Variants in GOLGB1 observed in about 807,000 individuals in gnomAD.
GOLGB1 encodes golgin subfamily B member 1.
A neutral mutation model predicts 336.9 loss-of-function variants in GOLGB1; 174 were observed. The ratio of observed to expected loss-of-function variants is 0.52; its 90% CI spans 0.46 to 0.59. The LOEUF is 0.59. Ranked by LOEUF, GOLGB1 falls within the 20% of genes least tolerant of loss-of-function variation. The pLI, the probability that GOLGB1 is intolerant of heterozygous loss-of-function variation, is 0.00. For missense variants in GOLGB1, 3,331 were observed against 3,645.3 expected (o/e 0.91, Z 2.22); for synonymous variants, 1,208 against 1,289.2 (o/e 0.94, Z 1.35).
At chr3:121,721,436 G>A (rs1019949695) in intron 6 of GOLGB1, among the ~76,000 whole-genome samples, 1 of 152,104 alleles carries the variant, frequency 6.6e-6, no homozygotes, top group African/African-American at 2.4e-5. Flanking sequence ...AGGCCTGCCT[G>A]GGCAACATAT....
rs145471949 is a variant in GOLGB1, at chr3:121,718,447, G to A, written c.826C>T (p.Arg276Cys). The A allele has an allele frequency of 2.5e-4, 403 of 1,613,778 alleles. No individual in the cohort carries two copies. The highest frequency in any genetic ancestry group is 2.6e-4 in the Non-Finnish European group (307 of 1,179,834). Residue 276 changes from arginine (R) to cysteine (C), a missense_variant, in exon 8 of 22, where the codon CGT becomes TGT. Coordinates refer to ENST00000614479, the MANE Select transcript of GOLGB1 (RefSeq NM_001366282.2). Reference sequence around the variant, plus strand: ...TGCAGCAAGTCAACGACCTGAGCACGGCCCACCAAGGATTCTTCGTGTTCC... The same window carrying A: ...TGCAGCAAGTCAACGACCTGAGCACAGCCCACCAAGGATTCTTCGTGTTCC... ...LEEHEESLVG[R>C]AQVVDLLQQE... is the part of the protein sequence containing the mutation.
At chr3:121,716,265 A>G (rs1483628539) in intron 9 of GOLGB1, among the ~76,000 whole-genome samples, 3 of 152,180 alleles carry the variant, frequency 2.0e-5, no homozygotes, top group Admixed American at 6.5e-5. Context: ...ATACCTTCAT[A>G]AAGGATAAAT....
chr3:121,738,753 TGA>T (rs955759780), intron 1 of GOLGB1, among the ~76,000 whole-genome samples: 1 of 152,008 alleles, frequency 6.6e-6, no homozygotes, highest in Non-Finnish European at 1.5e-5. Flanking sequence ...GAGAATCTGC[TGA>T]GAGGAGAATT....
intron 14 of GOLGB1, among the ~76,000 whole-genome samples, chr3:121,683,157 C>G (rs1456761348): frequency 6.8e-6 from 1 of 147,554 alleles, no homozygotes; most frequent in Non-Finnish European, 1.5e-5. Flanking sequence ...CCACCTTGGC[C>G]TCCCGAAGTG....
intron 1 of GOLGB1, among the ~76,000 whole-genome samples, chr3:121,745,371 C>T (rs1490735109): frequency 1.8e-4 from 17 of 94,664 alleles, no homozygotes; most frequent in Non-Finnish European, 2.7e-4. Flanking sequence ...TACATATGTA[C>T]ACGTGTATGT....
At position 121,692,062 on chromosome 3, in the gene GOLGB1, C is replaced by T; in HGVS notation, c.7302G>A (p.Glu2434=). The change falls in exon 14 of 22, where the codon GAG becomes GAA. Residue 2434 remains glutamate (E), a synonymous_variant. Transcript: ENST00000614479. The part of the protein sequence containing the change: ...QEEEENIVLE[E]ENKKAVDKTN... ...TTTTATCAACAGCCTTTTTGTTCTC[C>T]TCTTCTAAAACAATATTCTCCTCTT... The T allele has an allele frequency of 6.2e-7, 1 of 1,612,412 alleles. No individual in the cohort carries two copies. Among genetic ancestry groups the T allele is most frequent in the Non-Finnish European group, 8.5e-7 (1 of 1,179,566 alleles).
At chr3:121,684,801 A>G (rs189987555) in intron 14 of GOLGB1, among the ~76,000 whole-genome samples, 1 of 152,214 alleles carries the variant, frequency 6.6e-6, no homozygotes, top group African/African-American at 2.4e-5. Flanking sequence ...CAGGAAAAAG[A>G]TGGCACAAAA....
In GOLGB1 at chr3:121,664,423, T is replaced by C. The variant is rs1439926120; in HGVS notation, c.*57A>G. 1.4e-6 allele frequency: 2 copies of C among 1,407,662 alleles called. No homozygotes were observed. Among genetic ancestry groups the C allele is most frequent in the South Asian group, 2.3e-5 (2 of 86,844 alleles). 87.2% of individuals were successfully genotyped at this position (1,407,662 alleles called of 1,614,324 possible). ...TCCACTGGAATTGATGTTCTGATGT[T>C]AGAGGTGAGAGAATTCCAAGTTTTG... On this transcript the variant is annotated 3_prime_UTR_variant, in exon 22 of 22. Coordinates refer to ENST00000614479, the MANE Select transcript of GOLGB1 (RefSeq NM_001366282.2).
chr3:121,666,219 C>T (rs142538374), intron 20 of GOLGB1, among the ~76,000 whole-genome samples: 291 of 152,310 alleles, frequency 1.9e-3, no homozygotes, highest in Non-Finnish European at 3.4e-3. Context: ...AATGGCAGTA[C>T]CTGGACTAGG....
intron 12 of GOLGB1, among the ~76,000 whole-genome samples, chr3:121,699,181 T>G (rs905284751): frequency 6.6e-6 from 1 of 152,154 alleles, no homozygotes; most frequent in African/African-American, 2.4e-5. Context: ...GGAATTCATT[T>G]TCTAGATATT....
At chr3:121,718,329 CAAACGAA>C in intron 8 of GOLGB1, 52 bp downstream of exon 8, 1 of 1,086,212 alleles carries the variant, frequency 9.2e-7, no homozygotes, top group Non-Finnish European at 1.4e-6. Flanking sequence ...TACTGCCTGG[CAAACGAA>C]AGTGGAAATG....
Position 121,730,022 on chromosome 3 carries a change from T to A in GOLGB1, c.97-5A>T. On this transcript the variant is annotated splice_region_variant and splice_polypyrimidine_tract_variant and intron_variant, in intron 2 of 21. Transcript: ENST00000614479. ...GTCAGATTCTTGGTGTAATTCCTAA[T>A]ATTTAGGAAAAAAGTTGCCAGTGCA... 6.2e-7 allele frequency: 1 copy of A among 1,600,398 alleles called. No homozygotes were observed. The highest frequency in any genetic ancestry group is 1.7e-5 in the Admixed American group (1 of 57,320).
chr3:121,694,680 T>A lies in GOLGB1; in HGVS notation c.5843A>T (p.Asp1948Val). The A allele has an allele frequency of 6.2e-7, 1 of 1,611,538 alleles. No individual in the cohort carries two copies. The change falls in exon 13 of 22, where the codon GAT becomes GTT. Residue 1948 changes from aspartate (D) to valine (V), a missense_variant. By Grantham distance (152) the Asp-to-Val change is radical (BLOSUM62 -3). Transcript: ENST00000614479. Reference sequence around the variant, plus strand: ...ATTTTTTATTTGGGCATCTGTAACATCCTGACAGTAATTCCCAATGCTTCC... The same window carrying A: ...ATTTTTTATTTGGGCATCTGTAACAACCTGACAGTAATTCCCAATGCTTCC... ...LNGSIGNYCQ[D>V]VTDAQIKNEL... is the part of the protein sequence containing the mutation.
chr3:121,726,890 T>G (rs1438024651), intron 5 of GOLGB1, 23 bp downstream of exon 5: 7 of 1,548,516 alleles, frequency 4.5e-6, no homozygotes, highest in Non-Finnish European at 6.1e-6. Context: ...ACCTAATGAT[T>G]ATGAAGTAAC....
In GOLGB1 at chr3:121,698,898, C is replaced by A; in HGVS notation, c.1625G>T (p.Ser542Ile). ...TTGTCCACTTTCCTCAGCAGAAGAG[C>A]TCCTCTTGTTGGCAATATCAACAAT... ...ISIVDIANKRSSSAEESGQDV... is the reference protein window; with the variant it reads ...ISIVDIANKRISSAEESGQDV... Residue 542 changes from serine (S) to isoleucine (I), a missense_variant, in exon 13 of 22, where the codon AGC becomes ATC. Physicochemically the swap from Ser to Ile is moderately radical, Grantham distance 142. Coordinates refer to ENST00000614479, the MANE Select transcript of GOLGB1 (RefSeq NM_001366282.2). 1.9e-6 allele frequency: 3 copies of A among 1,588,978 alleles called. No homozygotes were observed. The highest frequency in any genetic ancestry group is 2.6e-6 in the Non-Finnish European group (3 of 1,169,250).
intron 1 of GOLGB1, among the ~76,000 whole-genome samples, chr3:121,738,815 A>G (rs1218294194): frequency 1.3e-5 from 2 of 152,214 alleles, no homozygotes; most frequent in African/African-American, 4.8e-5. Context: ...AGCAGGTGAA[A>G]GTGGCAAGGA....
At chr3:121,747,661 G>A (rs1947462740) in intron 1 of GOLGB1, among the ~76,000 whole-genome samples, 1 of 151,894 alleles carries the variant, frequency 6.6e-6, no homozygotes, top group Non-Finnish European at 1.5e-5. Flanking sequence ...CCACTTGTGG[G>A]AAAGACAGAA....
chr3:121,730,351 C>G (rs57551505), intron 2 of GOLGB1: 3 of 206,542 alleles, frequency 1.5e-5, no homozygotes, highest in Non-Finnish European at 2.9e-5. Context: ...CTCTTAACCA[C>G]TACGCATTAC....
intron 11 of GOLGB1, among the ~76,000 whole-genome samples, chr3:121,701,675 A>G (rs980374692): frequency 2.0e-5 from 3 of 152,162 alleles, no homozygotes; most frequent in Admixed American, 1.3e-4. Context: ...CACACAATCC[A>G]ATAGGATAAA....
Sources: allele counts gnomAD v4.1 joint callset (sites outside exome capture counted in the v4.1 genomes callset), GRCh38; gene constraint gnomAD v4.1.1; transcripts MANE v1.5; gene names NCBI Gene and HGNC (gene_info 2026-07-23, HGNC 2026-07-21).